The following NXPH1 variants were observed in gnomAD, a reference collection of about 807,000 sequenced individuals.
NXPH1 encodes the protein neurexophilin 1.
NXPH1 carries 5 observed loss-of-function variants against 23.7 expected under a neutral mutation model. That is an observed-to-expected ratio of 0.21 (90% CI 0.11 to 0.44). The LOEUF is 0.44. Ranked by LOEUF, NXPH1 falls within the 20% of genes least tolerant of loss-of-function variation. NXPH1 has a pLI of 0.99. For missense variants in NXPH1, 324 were observed against 321.6 expected (o/e 1.01, Z -0.06); for synonymous variants, 144 against 122.2 (o/e 1.18, Z -1.18).
chr7:8,747,498 CCA>C (rs1297657776), intron 2 of NXPH1, among the ~76,000 whole-genome samples: 1 of 152,156 alleles, frequency 6.6e-6, no homozygotes, highest in African/African-American at 2.4e-5. Context: ...GCTTCATTAG[CCA>C]GTGCATCATG....
chr7:8,747,119 A>T (rs1354199502), intron 2 of NXPH1, among the ~76,000 whole-genome samples: 1 of 152,140 alleles, frequency 6.6e-6, no homozygotes, highest in African/African-American at 2.4e-5. Flanking sequence ...AAGAAGATTG[A>T]TATTATTCTT....
At chr7:8,551,763 C>T (rs991461513) in intron 2 of NXPH1, among the ~76,000 whole-genome samples, 8 of 151,300 alleles carry the variant, frequency 5.3e-5, no homozygotes, top group African/African-American at 1.9e-4. Context: ...TGCATTATAA[C>T]GACTTTGAAG....
At chr7:8,560,833 G>A (rs1320613599) in intron 2 of NXPH1, among the ~76,000 whole-genome samples, 8 of 151,596 alleles carry the variant, frequency 5.3e-5, no homozygotes, top group Admixed American at 3.3e-4. Flanking sequence ...AATTTGCTAA[G>A]GTTTTTAACA....
chr7:8,598,689 A>C (rs151231817), intron 2 of NXPH1, among the ~76,000 whole-genome samples: 85 of 152,324 alleles, frequency 5.6e-4, no homozygotes, highest in Non-Finnish European at 1.1e-3. Context: ...GTTTACAGAT[A>C]AAATGTACTT....
At chr7:8,678,874 C>T (rs1366717270) in intron 2 of NXPH1, among the ~76,000 whole-genome samples, 1 of 143,630 alleles carries the variant, frequency 7.0e-6, no homozygotes, top group Non-Finnish European at 1.5e-5. Context: ...TCCTTGCAGA[C>T]CTCTCCTCTC....
intron 2 of NXPH1, among the ~76,000 whole-genome samples, chr7:8,737,391 A>G (rs754145414): frequency 6.6e-6 from 1 of 152,124 alleles, no homozygotes; most frequent in Non-Finnish European, 1.5e-5. Flanking sequence ...TCACTTATGA[A>G]GCTTAGTTTG....
chr7:8,491,329 C>T (rs1327141444), intron 2 of NXPH1, among the ~76,000 whole-genome samples: 1 of 151,938 alleles, frequency 6.6e-6, no homozygotes, highest in Non-Finnish European at 1.5e-5. Context: ...AATCATTTTG[C>T]CCATATTGCA....
intron 2 of NXPH1, among the ~76,000 whole-genome samples, chr7:8,464,404 C>G (rs1181156366): frequency 6.6e-6 from 1 of 152,160 alleles, no homozygotes; most frequent in East Asian, 1.9e-4. Context: ...AGGTTAAAGT[C>G]CAAACTCCTG....
chr7:8,437,223 T>C (rs928872594), intron 2 of NXPH1, among the ~76,000 whole-genome samples: 2 of 152,208 alleles, frequency 1.3e-5, no homozygotes, highest in African/African-American at 4.8e-5. Flanking sequence ...GCAGGCGGAA[T>C]GCAAAAAGTG....
intron 2 of NXPH1, among the ~76,000 whole-genome samples, chr7:8,633,525 CG>C (rs1820166912): frequency 6.6e-6 from 1 of 152,122 alleles, no homozygotes; most frequent in African/African-American, 2.4e-5. Context: ...GCGTGACAAC[CG>C]AATTTCTCAG....
intron 2 of NXPH1, among the ~76,000 whole-genome samples, chr7:8,520,579 A>G (rs913292044): frequency 6.6e-6 from 1 of 152,164 alleles, no homozygotes; most frequent in Non-Finnish European, 1.5e-5. Flanking sequence ...TGATGAATGA[A>G]CATCATCTAA....
chr7:8,687,874 GTTATT>G (rs1003327519), intron 2 of NXPH1, among the ~76,000 whole-genome samples: 8 of 152,038 alleles, frequency 5.3e-5, no homozygotes, highest in Non-Finnish European at 7.4e-5. Context: ...TAACAAAAAT[GTTATT>G]TTATTTTTAA....
intron 2 of NXPH1, among the ~76,000 whole-genome samples, chr7:8,649,935 G>T (rs1173313753): frequency 6.6e-6 from 1 of 152,122 alleles, no homozygotes; most frequent in Non-Finnish European, 1.5e-5. Flanking sequence ...TATAGGTAAA[G>T]AAGGCTTAAA....
At chr7:8,573,723 T>G (rs2128622517) in intron 2 of NXPH1, among the ~76,000 whole-genome samples, 1 of 152,268 alleles carries the variant, frequency 6.6e-6, no homozygotes, top group Non-Finnish European at 1.5e-5. Flanking sequence ...TTCTTCCAGT[T>G]AATTATAGGT....
At chr7:8,642,206 T>C (rs1820328095) in intron 2 of NXPH1, among the ~76,000 whole-genome samples, 1 of 152,248 alleles carries the variant, frequency 6.6e-6, no homozygotes, top group Non-Finnish European at 1.5e-5. Flanking sequence ...AGTATCCTTA[T>C]TCTTGCATCA....
intron 2 of NXPH1, among the ~76,000 whole-genome samples, chr7:8,745,628 C>G (rs1780455042): frequency 6.6e-6 from 1 of 151,966 alleles, no homozygotes; most frequent in South Asian, 2.1e-4. Context: ...TCTTGGCTCA[C>G]TGCAACCTCT....
At chr7:8,503,956 G>A (rs17404669) in intron 2 of NXPH1, among the ~76,000 whole-genome samples, 4,438 of 152,070 alleles carry the variant, frequency 0.029, 102 homozygotes, top group South Asian at 0.048. Flanking sequence ...GTGGTCCTAA[G>A]TAGACAGCTT....
At chr7:8,443,003 C>T (rs934686718) in intron 2 of NXPH1, among the ~76,000 whole-genome samples, 2 of 152,232 alleles carry the variant, frequency 1.3e-5, no homozygotes, top group African/African-American at 4.8e-5. Flanking sequence ...CCACAGGCTC[C>T]GCCCCGCCTG....
chr7:8,486,405 G>A (rs887677240), intron 2 of NXPH1, among the ~76,000 whole-genome samples: 3 of 152,148 alleles, frequency 2.0e-5, no homozygotes, highest in Non-Finnish European at 2.9e-5. Context: ...AGCAGATAAA[G>A]GCTGGCCTAT....
Sources: allele counts gnomAD v4.1 joint callset (sites outside exome capture counted in the v4.1 genomes callset), GRCh38; gene constraint gnomAD v4.1.1; transcripts MANE v1.5; gene names NCBI Gene and HGNC (gene_info 2026-07-23, HGNC 2026-07-21).